The following PIK3C2G variants were observed in gnomAD, a reference collection of about 807,000 sequenced individuals.
PIK3C2G encodes phosphatidylinositol 3-kinase C2 domain-containing subunit gamma.
In PIK3C2G, 168 loss-of-function variants were observed where a neutral mutation model predicts 181.1. That is an observed-to-expected ratio of 0.93 (90% CI 0.82 to 1.05). The LOEUF (loss-of-function observed/expected upper bound fraction) is 1.05, where lower values mean the gene tolerates loss of function less well. PIK3C2G is among the 50% of genes least tolerant of loss of function. The pLI is 0.00. For synonymous variants in PIK3C2G, 573 were observed against 592.2 expected (o/e 0.97, Z 0.47); for missense variants, 1,869 against 1,732.8 (o/e 1.08, Z -1.40).
chr12:18,461,442 T>C (rs1947913675), intron 18 of PIK3C2G, among the ~76,000 whole-genome samples: 1 of 152,202 alleles, frequency 6.6e-6, no homozygotes, highest in African/African-American at 2.4e-5. Flanking sequence ...GTTATTTCTT[T>C]GGACTATTTA....
At chr12:18,400,628 T>C (rs1944195403) in intron 16 of PIK3C2G, among the ~76,000 whole-genome samples, 1 of 152,098 alleles carries the variant, frequency 6.6e-6, no homozygotes, top group South Asian at 2.1e-4. Context: ...AAGAACTTTC[T>C]TCATGTAACC....
At chr12:18,330,632 G>C (rs933460098) in intron 8 of PIK3C2G, among the ~76,000 whole-genome samples, 2 of 152,062 alleles carry the variant, frequency 1.3e-5, no homozygotes, top group African/African-American at 4.8e-5. Flanking sequence ...TATTTTTAAA[G>C]TTGAACTATA....
At chr12:18,505,252 T>C in intron 23 of PIK3C2G, 40 bp from the exon 24 acceptor site, 3 of 1,520,146 alleles carry the variant, frequency 2.0e-6, no homozygotes, top group Non-Finnish European at 2.7e-6. Context: ...TTGCTCATTT[T>C]TTGTTGTTAT....
At chr12:18,635,920 G>A (rs924651362) in intron 31 of PIK3C2G, among the ~76,000 whole-genome samples, 5 of 152,090 alleles carry the variant, frequency 3.3e-5, no homozygotes, top group East Asian at 1.9e-4. Context: ...CTGCAACAAC[G>A]TACCCTTTAT....
chr12:18,690,968 T>C, the PIK3C2G span, among the ~76,000 whole-genome samples: 1 of 152,100 alleles, frequency 6.6e-6, no homozygotes, highest in African/African-American at 2.4e-5. Context: ...ATTAGCACTG[T>C]AGCAAAATCT....
chr12:18,418,274 T>G (rs954418817), intron 16 of PIK3C2G, among the ~76,000 whole-genome samples: 1 of 152,146 alleles, frequency 6.6e-6, no homozygotes, highest in Non-Finnish European at 1.5e-5. Context: ...AGAGGCACCT[T>G]CAAGGGAATT....
chr12:18,519,936 A>G (rs1172220721), intron 24 of PIK3C2G, among the ~76,000 whole-genome samples: 1 of 143,450 alleles, frequency 7.0e-6, no homozygotes, highest in Non-Finnish European at 1.5e-5. Flanking sequence ...CCTTCTCTCC[A>G]CTATTATCCT....
At chr12:18,323,439 C>A (rs1158194622) in intron 7 of PIK3C2G, among the ~76,000 whole-genome samples, 1 of 152,200 alleles carries the variant, frequency 6.6e-6, no homozygotes, top group Non-Finnish European at 1.5e-5. Context: ...ATGACTAAAA[C>A]CAAGTATCTA....
At chr12:18,670,301 C>T in the PIK3C2G span, among the ~76,000 whole-genome samples, 1 of 152,138 alleles carries the variant, frequency 6.6e-6, no homozygotes, top group African/African-American at 2.4e-5. Context: ...TGCGCACACA[C>T]ACACACACAC....
chr12:18,558,370 G>A (rs1454307058), intron 26 of PIK3C2G, among the ~76,000 whole-genome samples: 2 of 152,100 alleles, frequency 1.3e-5, no homozygotes, highest in African/African-American at 4.8e-5. Flanking sequence ...AGATTGTTCA[G>A]TCATTCAACA....
intron 12 of PIK3C2G, among the ~76,000 whole-genome samples, chr12:18,368,539 C>T (rs975273844): frequency 6.6e-6 from 1 of 152,104 alleles, no homozygotes; most frequent in Admixed American, 6.5e-5. Flanking sequence ...AACATCATAC[C>T]CTAAACTATA....
At chr12:18,497,504 C>T (rs957035363) in intron 21 of PIK3C2G, 115 bp from the exon 22 acceptor site, 1 of 730,936 alleles carries the variant, frequency 1.4e-6, no homozygotes, top group African/African-American at 1.8e-5. Flanking sequence ...ATTAAAACCA[C>T]TCTAAGTCAG....
chr12:18,701,656 C>T, the PIK3C2G span: 2 of 1,610,194 alleles, frequency 1.2e-6, no homozygotes, highest in Non-Finnish European at 1.7e-6. Flanking sequence ...TCCTCCTCTC[C>T]ATCTGCCACT....
intron 18 of PIK3C2G, among the ~76,000 whole-genome samples, chr12:18,429,755 A>T (rs1438260332): frequency 2.6e-5 from 4 of 152,184 alleles, no homozygotes; most frequent in Non-Finnish European, 4.4e-5. Flanking sequence ...TTTCACACAC[A>T]GTACTGGAAA....
At chr12:18,570,262 G>A (rs557714946) in intron 29 of PIK3C2G, among the ~76,000 whole-genome samples, 2 of 151,506 alleles carry the variant, frequency 1.3e-5, no homozygotes, top group South Asian at 2.1e-4. Context: ...ACGCTGGAGT[G>A]CAATGGCCTG....
intron 32 of PIK3C2G, among the ~76,000 whole-genome samples, chr12:18,642,749 T>G (rs1408413497): frequency 6.6e-6 from 1 of 151,912 alleles, no homozygotes; most frequent in Non-Finnish European, 1.5e-5. Context: ...TCTAAAATGA[T>G]GTGTAATAAA....
intron 13 of PIK3C2G, among the ~76,000 whole-genome samples, chr12:18,377,696 T>C (rs73342915): frequency 0.011 from 1,722 of 152,312 alleles, 30 homozygotes; most frequent in African/African-American, 0.04. Context: ...TGAAAGTCTT[T>C]TTTTGTGTCT....
chr12:18,440,446 C>T (rs1946680621), intron 18 of PIK3C2G, among the ~76,000 whole-genome samples: 2 of 152,046 alleles, frequency 1.3e-5, no homozygotes, highest in South Asian at 4.1e-4. Context: ...AAGTAGGAAA[C>T]ATAAAAAGTA....
At chr12:18,597,157 A>G (rs1947409471) in intron 30 of PIK3C2G, among the ~76,000 whole-genome samples, 1 of 152,094 alleles carries the variant, frequency 6.6e-6, no homozygotes, top group African/African-American at 2.4e-5. Flanking sequence ...AAAAAAATCT[A>G]TATCTGTGTT....
Sources: allele counts gnomAD v4.1 joint callset (sites outside exome capture counted in the v4.1 genomes callset), GRCh38; gene constraint gnomAD v4.1.1; transcripts MANE v1.5; gene names NCBI Gene and HGNC (gene_info 2026-07-23, HGNC 2026-07-21).